Variants in PDXDC1 observed in about 807,000 individuals in gnomAD.
PDXDC1 encodes pyridoxal-dependent decarboxylase domain-containing protein 1.
In PDXDC1, 42 loss-of-function variants were observed where a neutral mutation model predicts 100.1. The observed-to-expected ratio is 0.42, with a 90% confidence interval of 0.33 to 0.54. The LOEUF (loss-of-function observed/expected upper bound fraction) is 0.54, where lower values mean the gene tolerates loss of function less well. Among genes scored for constraint, PDXDC1 ranks in the 20% least tolerant of loss-of-function variants. PDXDC1 has a pLI of 0.10. For missense variants in PDXDC1, 636 were observed against 979.2 expected (o/e 0.65, Z 4.68); for synonymous variants, 260 against 371.7 (o/e 0.70, Z 3.46).
chr16:15,073,537 T>C (rs1272516100), intron 16 of PDXDC1, among the ~76,000 whole-genome samples: 1 of 152,184 alleles, frequency 6.6e-6, no homozygotes, highest in Non-Finnish European at 1.5e-5. Flanking sequence ...CAGATTTTCC[T>C]CTGAATATAA....
At chr16:15,145,893 G>T in the PDXDC1 span, among the ~76,000 whole-genome samples, 2 of 152,244 alleles carry the variant, frequency 1.3e-5, no homozygotes, top group Non-Finnish European at 2.9e-5. Flanking sequence ...GGGCTGGGCT[G>T]CCGTGGCCAC....
chr16:15,099,353 G>A (rs1409088094), intron 16 of PDXDC1, among the ~76,000 whole-genome samples: 1 of 142,004 alleles, frequency 7.0e-6, no homozygotes, highest in Admixed American at 7.5e-5. Flanking sequence ...CCAGGAGGCA[G>A]AGGTTGCAGT....
intron 1 of PDXDC1, among the ~76,000 whole-genome samples, chr16:14,985,621 AGTT>A (rs1567614006): frequency 6.6e-6 from 1 of 152,278 alleles, no homozygotes; most frequent in African/African-American, 2.4e-5. Context: ...TTTTTTGAAA[AGTT>A]GAGAGTTGCT....
At chr16:15,066,454 G>A in intron 16 of PDXDC1, among the ~76,000 whole-genome samples, 1 of 152,024 alleles carries the variant, frequency 6.6e-6, no homozygotes, top group Admixed American at 6.6e-5. Context: ...TCAACATGAT[G>A]AAACCCCATC....
chr16:15,141,839 C>A (rs912519126), downstream of PDXDC1, among the ~76,000 whole-genome samples: 2 of 152,200 alleles, frequency 1.3e-5, no homozygotes, highest in African/African-American at 4.8e-5. Flanking sequence ...ACCCGCTGCC[C>A]AAGCACCATG....
At position 15,068,502 on chromosome 16, in the gene PDXDC1, A is replaced by G. The variant is rs376236304; in HGVS notation, c.1399+38446A>G. Among the ~76,000 whole-genome samples, 17 of 152,358 alleles carry G rather than the reference A, an allele frequency of 1.1e-4. 1 individual carries two copies. The highest frequency in any genetic ancestry group is 7.2e-4 in the Admixed American group (11 of 15,300). On this transcript the variant is annotated intron_variant, in intron 16 of 16. Coordinates refer to the PDXDC1 transcript ENST00000535621. ...GGTCACCAAGGCAGCTTCTCTAAAGAAAACTTAGGAAGTAGCAGGCTGTAA... is the reference window on the plus strand; with the variant it reads ...GGTCACCAAGGCAGCTTCTCTAAAGGAAACTTAGGAAGTAGCAGGCTGTAA...
At chr16:15,034,598 G>A (rs1318486005) in intron 21 of PDXDC1, 45 bp downstream of exon 21, 7 of 1,432,968 alleles carry the variant, frequency 4.9e-6, no homozygotes, top group Non-Finnish European at 6.9e-6. Context: ...ACCTTGGGAG[G>A]TTTCACCAAA....
intron 16 of PDXDC1, among the ~76,000 whole-genome samples, chr16:15,079,101 C>T (rs1203959696): frequency 2.6e-5 from 4 of 152,228 alleles, no homozygotes; most frequent in African/African-American, 4.8e-5. Flanking sequence ...TGAGCCACCA[C>T]GCCCGGCCTC....
chr16:15,018,333 C>T (rs2041946328), intron 11 of PDXDC1, among the ~76,000 whole-genome samples: 1 of 152,238 alleles, frequency 6.6e-6, no homozygotes, highest in Admixed American at 6.5e-5. Flanking sequence ...TGATTGAGCC[C>T]TGGAGATCAA....
intron 16 of PDXDC1, among the ~76,000 whole-genome samples, chr16:15,100,752 G>A (rs2046514751): frequency 6.6e-6 from 1 of 152,176 alleles, no homozygotes; most frequent in African/African-American, 2.4e-5. Context: ...GGTGAGGCAG[G>A]AGAATTGCTT....
At chr16:15,016,515 G>A (rs2041809534) in intron 9 of PDXDC1, 3 of 640,546 alleles carry the variant, frequency 4.7e-6, no homozygotes, top group Non-Finnish European at 7.2e-6. Flanking sequence ...AGATCTTCCT[G>A]TTACAGTGCA....
chr16:15,050,111 C>T (rs1033879171), intron 16 of PDXDC1, among the ~76,000 whole-genome samples: 1 of 152,036 alleles, frequency 6.6e-6, no homozygotes, highest in Non-Finnish European at 1.5e-5. Flanking sequence ...GGCAAATTTA[C>T]GAAAGGTATG....
chr16:15,001,871 A>T lies in PDXDC1; in HGVS notation c.242+15A>T. On this transcript the variant is annotated intron_variant, in intron 4 of 22. Coordinates refer to ENST00000396410, the MANE Select transcript of PDXDC1 (RefSeq NM_015027.4). The stretch of plus-strand genomic sequence containing the variant: ...CAGAGCCCCAGGTAATGAACCTGGC[A>T]GCTTCTCTTTTCAAGTGTATGTGTT... 1 of 1,591,866 alleles carries T rather than the reference A, an allele frequency of 6.3e-7. No individual in the cohort carries two copies. Among genetic ancestry groups the T allele is most frequent in the South Asian group, 1.1e-5 (1 of 88,116 alleles).
At chr16:15,149,810 G>A in the PDXDC1 span, among the ~76,000 whole-genome samples, 367 of 152,064 alleles carry the variant, frequency 2.4e-3, no homozygotes, top group African/African-American at 8.5e-3. Flanking sequence ...TTAGAGCAGG[G>A]GGCCCTGAGC....
chr16:15,128,492 C>T lies in PDXDC1; in HGVS notation c.1400-10387C>T, dbSNP rs1337652139. On this transcript the variant is annotated intron_variant, in intron 16 of 16. Coordinates refer to the PDXDC1 transcript ENST00000535621. The stretch of plus-strand genomic sequence containing the variant: ...TTTGGCCTCCGCGCACTCAAGGAGC[C>T]ACACAGGCAGTCCCGGCTTTGCACG... 3.4e-5 allele frequency: 24 copies of T among 704,576 alleles called. No homozygotes were observed. In the East Asian group the frequency reaches 6.1e-4, roughly 18 times the overall value. The allele number at this position is 704,576 out of a possible 1,614,324, so 43.6% of individuals were successfully genotyped here.
At chr16:15,025,060 AT>A (rs2042488079) in intron 13 of PDXDC1, among the ~76,000 whole-genome samples, 2 of 152,284 alleles carry the variant, frequency 1.3e-5, no homozygotes, top group Admixed American at 6.5e-5. Flanking sequence ...TTCTTTGTGG[AT>A]TCACCTTTTT....
the PDXDC1 span, among the ~76,000 whole-genome samples, chr16:15,144,902 G>T: frequency 6.6e-6 from 1 of 152,152 alleles, no homozygotes; most frequent in Non-Finnish European, 1.5e-5. Context: ...CGCTGGGGTC[G>T]GGGCCACCCT....
intron 16 of PDXDC1, among the ~76,000 whole-genome samples, chr16:15,082,546 G>A (rs1200635083): frequency 1.3e-5 from 2 of 151,938 alleles, no homozygotes; most frequent in Non-Finnish European, 2.9e-5. Flanking sequence ...GGTGCCCCAT[G>A]TCTATAGTCC....
chr16:15,081,129 T>C lies in PDXDC1; in HGVS notation c.1399+51073T>C, dbSNP rs1178954907. Among the ~76,000 whole-genome samples, 4 of 152,336 alleles carry C rather than the reference T, an allele frequency of 2.6e-5. No homozygotes were observed. The East Asian group carries it at 7.7e-4, about 29-fold the overall frequency. On this transcript the variant is annotated intron_variant, in intron 16 of 16. Coordinates refer to the PDXDC1 transcript ENST00000535621. ...TTGTCTGTTCATCAGTTGACAGACA[T>C]TTGAGTTGCTTCTACTTGAGGCTAT...
Sources: gnomAD v4.1 joint callset for allele counts (sites outside exome capture counted in the v4.1 genomes callset) on GRCh38, gnomAD v4.1.1 for gene constraint, MANE v1.5 for transcripts, NCBI Gene and HGNC (gene_info 2026-07-23, HGNC 2026-07-21) for gene names.